OXTR: variants seen among roughly 807,000 people sequenced by gnomAD.
OXTR encodes the protein oxytocin receptor.
In OXTR, 19 loss-of-function variants were observed where a neutral mutation model predicts 23.9. The observed-to-expected ratio is 0.80, with a 90% CI of 0.56 to 1.17. The LOEUF (loss-of-function observed/expected upper bound fraction) is 1.17. Among genes scored for constraint, OXTR ranks in the 50% most tolerant of loss-of-function variants. The pLI is 0.00. For synonymous variants in OXTR, 278 were observed against 250.5 expected, an observed-to-expected ratio of 1.11 and a Z score of -1.04; for missense variants, 500 against 550.7, an observed-to-expected ratio of 0.91 and a Z score of 0.92.
chr3:8,766,131 C>A (rs1463618146), intron 3 of OXTR, among the ~76,000 whole-genome samples: 1 of 152,170 alleles, frequency 6.6e-6, no homozygotes, highest in Non-Finnish European at 1.5e-5. Flanking sequence ...CATTTGAAGT[C>A]CCCAGCATCC....
intron 3 of OXTR, among the ~76,000 whole-genome samples, chr3:8,753,761 A>T (rs36047964): frequency 0.062 from 9,508 of 152,220 alleles, 651 homozygotes; most frequent in African/African-American, 0.17. Flanking sequence ...AGTGCCTGGT[A>T]CACAGTGGGT....
intron 3 of OXTR, among the ~76,000 whole-genome samples, chr3:8,763,825 TAAC>T (rs1408760966): frequency 6.6e-6 from 1 of 152,212 alleles, no homozygotes; most frequent in Admixed American, 6.5e-5. Context: ...TTGGTTCTTA[TAAC>T]AACTAACCAG....
In OXTR at chr3:8,767,497, A is replaced by G. The variant is rs1443820780; in HGVS notation, c.691T>C (p.Leu231=). ...GLISFKIWQN[L]RLKTAAAAAA... ...GCCGCTGCAGCGGTCTTGAGCCGCA[A>G]GTTCTGCCAGATCTTGAAGCTGATA... Residue 231 remains leucine (L), a synonymous_variant, in exon 3 of 4, where the codon TTG becomes CTG. Coordinates refer to ENST00000316793, the MANE Select transcript of OXTR (RefSeq NM_000916.4). 6.2e-7 allele frequency: 1 copy of G among 1,611,296 alleles called. No individual in the cohort carries two copies. The highest frequency in any genetic ancestry group is 8.5e-7 in the Non-Finnish European group (1 of 1,178,906).
At chr3:8,743,948 T>G in the OXTR span, among the ~76,000 whole-genome samples, 9 of 152,324 alleles carry the variant, frequency 5.9e-5, 1 homozygote, top group East Asian at 1.9e-4. Flanking sequence ...ATTTTAATAT[T>G]GGTGATGCAA....
downstream of OXTR, among the ~76,000 whole-genome samples, chr3:8,747,869 T>C (rs1409433950): frequency 6.6e-6 from 1 of 152,210 alleles, no homozygotes; most frequent in Non-Finnish European, 1.5e-5. Flanking sequence ...TAACTGGATT[T>C]GACAATGACT....
At chr3:8,766,682 C>T (rs1708615461) in intron 3 of OXTR, among the ~76,000 whole-genome samples, 1 of 152,200 alleles carries the variant, frequency 6.6e-6, no homozygotes, top group Non-Finnish European at 1.5e-5. Flanking sequence ...TCACCTCTCC[C>T]TTGGACTCCT....
intron 3 of OXTR, among the ~76,000 whole-genome samples, chr3:8,761,288 G>A (rs963663404): frequency 3.9e-5 from 6 of 152,230 alleles, no homozygotes; most frequent in Admixed American, 6.5e-5. Context: ...ACTGAACCCA[G>A]AATGCTGGGA....
At chr3:8,759,259 C>A (rs1051357802) in intron 3 of OXTR, among the ~76,000 whole-genome samples, 1 of 152,232 alleles carries the variant, frequency 6.6e-6, no homozygotes, top group Admixed American at 6.5e-5. Flanking sequence ...AATGACACTT[C>A]CCCTCTGAAA....
Position 8,766,867 on chromosome 3 carries a change from G to T in OXTR, c.922+399C>A, listed in dbSNP as rs576310113. 2.0e-5 allele frequency among the ~76,000 whole-genome samples: 3 copies of T among 152,264 alleles called. No individual in the cohort carries two copies. The East Asian group carries it at 5.8e-4, about 29-fold the overall frequency. On this transcript the variant is annotated intron_variant, in intron 3 of 3. Coordinates refer to ENST00000316793, the MANE Select transcript of OXTR (RefSeq NM_000916.4). The stretch of plus-strand genomic sequence containing the variant: ...TGAAGGAGCTTGAGCTTGGCCAGGG[G>T]TTCCAAACTTACCTCCACCACCTCC...
chr3:8,759,758 T>A (rs1256606300), intron 3 of OXTR, among the ~76,000 whole-genome samples: 1 of 152,150 alleles, frequency 6.6e-6, no homozygotes, highest in East Asian at 1.9e-4. Flanking sequence ...TCTCAAAGCA[T>A]CTGACTAAAG....
rs7636061 is a variant in OXTR, at chr3:8,757,795, C to T, written c.923-4571G>A. Among the ~76,000 whole-genome samples, 1,280 of 152,290 alleles carry T rather than the reference C, an allele frequency of 8.4e-3. 24 individuals are homozygous for T. The highest frequency in any genetic ancestry group is 0.029 in the African/African-American group (1,215 of 41,550). The stretch of plus-strand genomic sequence containing the variant: ...GCGGGGGCCGCTGGCCTCACACTTA[C>T]GGCATTTCTCGGAGGAGGAAGAGGT... On this transcript the variant is annotated intron_variant, in intron 3 of 3. Coordinates refer to ENST00000316793, the MANE Select transcript of OXTR (RefSeq NM_000916.4).
At chr3:8,744,031 C>A in the OXTR span, among the ~76,000 whole-genome samples, 2 of 152,150 alleles carry the variant, frequency 1.3e-5, no homozygotes, top group Non-Finnish European at 2.9e-5. Context: ...GAAGTTGGAG[C>A]CTCAGCCCTG....
intron 3 of OXTR, among the ~76,000 whole-genome samples, chr3:8,763,580 A>T (rs1220428116): frequency 6.6e-6 from 1 of 152,222 alleles, no homozygotes; most frequent in Admixed American, 6.5e-5. Context: ...AGAAAATGCC[A>T]CTGGGTTCAA....
intron 3 of OXTR, among the ~76,000 whole-genome samples, chr3:8,759,154 T>C (rs2268493): frequency 0.25 from 37,951 of 152,088 alleles, 5,513 homozygotes; most frequent in Admixed American, 0.31. Flanking sequence ...AAGAAATGAA[T>C]AAAGTAACTG....
downstream of OXTR, among the ~76,000 whole-genome samples, chr3:8,748,744 C>T (rs775254545): frequency 1.2e-4 from 18 of 152,172 alleles, no homozygotes; most frequent in African/African-American, 4.1e-4. Flanking sequence ...CCTTAAGTGG[C>T]GTTTCATTGC....
chr3:8,763,848 T>C (rs1708544861), intron 3 of OXTR, among the ~76,000 whole-genome samples: 1 of 152,124 alleles, frequency 6.6e-6, no homozygotes, highest in Non-Finnish European at 1.5e-5. Context: ...GGTGTAGAGC[T>C]TGTCTATACA....
the OXTR span, among the ~76,000 whole-genome samples, chr3:8,744,085 A>G: frequency 6.6e-6 from 1 of 152,084 alleles, no homozygotes; most frequent in Admixed American, 6.5e-5. Context: ...ATTAGTCTGT[A>G]CCTGCATCCA....
At chr3:8,757,328 T>C (rs1708393628) in intron 3 of OXTR, among the ~76,000 whole-genome samples, 1 of 146,858 alleles carries the variant, frequency 6.8e-6, no homozygotes, top group African/African-American at 2.6e-5. Context: ...ATGTGAGGTA[T>C]GACCAACTAT....
chr3:8,758,252 C>G (rs893736281), intron 3 of OXTR, among the ~76,000 whole-genome samples: 1 of 152,152 alleles, frequency 6.6e-6, no homozygotes, highest in African/African-American at 2.4e-5. Flanking sequence ...TCCCGGCACT[C>G]TCTCCACCCC....
Sources: allele counts gnomAD v4.1 joint callset (sites outside exome capture counted in the v4.1 genomes callset), GRCh38; gene constraint gnomAD v4.1.1; transcripts MANE v1.5; gene names NCBI Gene and HGNC (gene_info 2026-07-23, HGNC 2026-07-21).